The following YJU2 variants were observed in gnomAD, a reference collection of about 807,000 sequenced individuals.
YJU2 encodes the protein splicing factor YJU2.
In YJU2, 28 loss-of-function variants were observed where a neutral mutation model predicts 39.6. The ratio of observed to expected loss-of-function variants is 0.71; its 90% CI spans 0.52 to 0.97. YJU2 has a LOEUF of 0.97. YJU2 is among the 50% of genes least tolerant of loss of function. The pLI is 0.00. For synonymous variants in YJU2, 184 were observed against 182.4 expected, an observed-to-expected ratio of 1.01 and a Z score of -0.07; for missense variants, 328 against 430.4, an observed-to-expected ratio of 0.76 and a Z score of 2.11.
chr19:4,258,224 C>CCGCCCCG lies in YJU2; in HGVS notation c.406-12_406-6dup, dbSNP rs1161730811. On this transcript the variant is annotated splice_polypyrimidine_tract_variant and intron_variant, in intron 4 of 7. Coordinates refer to ENST00000262962, the MANE Select transcript of YJU2 (RefSeq NM_018074.6). ...TGCGATCCCCATGCACTCAGCCCCGCCGCCCCGCGCCCGCCAGGTGCTGGA... is the reference window on the plus strand; with the variant it reads ...TGCGATCCCCATGCACTCAGCCCCGCCGCCCCGCGCCCCGCGCCCGCCAGGTGCTGGA... 1.9e-6 allele frequency: 3 copies of CCGCCCCG among 1,549,926 alleles called. No individual in the cohort carries two copies. The highest frequency in any genetic ancestry group is 1.2e-5 in the South Asian group (1 of 83,924).
intron 6 of YJU2, among the ~76,000 whole-genome samples, chr19:4,263,676 G>A (rs1036200209): frequency 1.6e-4 from 24 of 152,000 alleles, no homozygotes; most frequent in South Asian, 4.1e-4. Context: ...TGGACATGGC[G>A]GTGCCTGCCT....
intron 4 of YJU2, among the ~76,000 whole-genome samples, chr19:4,257,403 C>T (rs575095050): frequency 5.3e-5 from 8 of 152,294 alleles, no homozygotes; most frequent in African/African-American, 1.9e-4. Context: ...AGTGATTCTC[C>T]TGCCTCAGCC....
At chr19:4,263,532 G>A (rs779129712) in intron 6 of YJU2, among the ~76,000 whole-genome samples, 5 of 152,132 alleles carry the variant, frequency 3.3e-5, no homozygotes, top group Non-Finnish European at 7.4e-5. Flanking sequence ...GGGAGGCCGG[G>A]CACCGTGGCT....
At chr19:4,247,479 C>T (rs8109160) in intron 1 of YJU2, 109,653 of 247,964 alleles carry the variant, frequency 0.44, 26,861 homozygotes, top group African/African-American at 0.76. Context: ...ATGCTGGCGG[C>T]CGTGTTTTGC....
intron 6 of YJU2, among the ~76,000 whole-genome samples, chr19:4,264,172 G>A (rs1479161814): frequency 1.5e-5 from 2 of 136,592 alleles, no homozygotes; most frequent in East Asian, 4.9e-4. Context: ...TGAGACAGGA[G>A]AATGGCGTGA....
chr19:4,261,712 C>A (rs1368957342), intron 5 of YJU2, among the ~76,000 whole-genome samples: 1 of 151,860 alleles, frequency 6.6e-6, no homozygotes. Context: ...GCCTGTGGAC[C>A]CAGCTACTCA....
chr19:4,262,102 C>T lies in YJU2; in HGVS notation c.696C>T (p.Ala232=). 1 of 1,610,302 alleles carries T rather than the reference C, an allele frequency of 6.2e-7. No homozygotes were observed. Among genetic ancestry groups the T allele is most frequent in the Non-Finnish European group, 8.5e-7 (1 of 1,179,746 alleles). Residue 232 remains alanine (A), a synonymous_variant, in exon 6 of 8, where the codon GCC becomes GCT. Coordinates refer to ENST00000262962, the MANE Select transcript of YJU2 (RefSeq NM_018074.6). The part of the protein sequence containing the change: ...LQPALRPNPT[A]ILDEAPKPKR... ...CAGCCCTTCGGCCCAACCCCACCGC[C>T]ATCCTGGATGAGGTAAGTGGGGTGC...
chr19:4,261,911 G>T, intron 5 of YJU2, 83 bp from the exon 6 acceptor site: 1 of 1,480,392 alleles, frequency 6.8e-7, no homozygotes, highest in Non-Finnish European at 9.2e-7. Flanking sequence ...CAGGCACCCA[G>T]GCCCCTCGCC....
At chr19:4,250,452 G>A (rs924655033) in intron 2 of YJU2, among the ~76,000 whole-genome samples, 10 of 152,148 alleles carry the variant, frequency 6.6e-5, no homozygotes, top group African/African-American at 2.4e-4. Flanking sequence ...AGGCAGGAGA[G>A]AGCCCCTGGG....
rs141859779 is a variant in YJU2, at chr19:4,250,387, C to T, written c.126-640C>T. Among the ~76,000 whole-genome samples, 165 of 152,204 alleles carry T rather than the reference C, an allele frequency of 1.1e-3. 2 individuals carry two copies. The highest frequency in any genetic ancestry group is 0.01 in the Middle Eastern group (3 of 294). Reference sequence around the variant, plus strand: ...TCCCTGGCCTCATGGAGCCCACAGTCTAATGGGAAGTGGAGAATAGTGGTA... The same window carrying T: ...TCCCTGGCCTCATGGAGCCCACAGTTTAATGGGAAGTGGAGAATAGTGGTA... On this transcript the variant is annotated intron_variant, in intron 2 of 7. Coordinates refer to ENST00000262962, the MANE Select transcript of YJU2 (RefSeq NM_018074.6).
intron 2 of YJU2, 121 bp downstream of exon 2, chr19:4,249,449 C>T (rs1465832962): frequency 3.1e-6 from 2 of 647,590 alleles, no homozygotes; most frequent in Admixed American, 5.6e-5. Flanking sequence ...ATTGTCCTGG[C>T]TCAGACATTG....
rs1971019933 is a variant in YJU2 at position 4,256,215 on chromosome 19, C to CACATAT, written c.405+1734_405+1739dup. On this transcript the variant is annotated intron_variant, in intron 4 of 7. Coordinates refer to ENST00000262962, the MANE Select transcript of YJU2 (RefSeq NM_018074.6). ...ATATATATATATATATATGTACACA[C>CACATAT]ACATATACATATATATACATACACA... is the stretch of plus-strand genomic sequence containing the variant. Among the ~76,000 whole-genome samples the CACATAT allele has an allele frequency of 3.4e-5, 5 of 147,958 alleles. No homozygotes were observed. The South Asian group carries it at 1.1e-3, about 31-fold the overall frequency.
rs1971076164 is a variant in YJU2, at chr19:4,262,114, G to A, written c.708G>A (p.Glu236=). 3 of 1,605,986 alleles carry A rather than the reference G, an allele frequency of 1.9e-6. No individual in the cohort carries two copies. The highest frequency in any genetic ancestry group is 2.5e-6 in the Non-Finnish European group (3 of 1,177,506). Residue 236 remains glutamate (E), a splice_region_variant and synonymous_variant, in exon 6 of 8, where the codon GAG becomes GAA. Coordinates refer to ENST00000262962, the MANE Select transcript of YJU2 (RefSeq NM_018074.6). Reference sequence around the variant, plus strand: ...CCAACCCCACCGCCATCCTGGATGAGGTAAGTGGGGTGCCTGAGTCCTGGG... The same window carrying A: ...CCAACCCCACCGCCATCCTGGATGAAGTAAGTGGGGTGCCTGAGTCCTGGG... ...LRPNPTAILD[E]APKPKRKVEV...
intron 6 of YJU2, 60 bp from the exon 7 acceptor site, chr19:4,267,564 G>A: frequency 1.3e-6 from 2 of 1,568,740 alleles, no homozygotes; most frequent in Non-Finnish European, 1.7e-6. Flanking sequence ...GTTGTGGCGA[G>A]GGGCCAGACT....
In YJU2 at chr19:4,251,008, C is replaced by T. The variant is rs1440917356; in HGVS notation, c.126-19C>T. 3.1e-6 allele frequency: 5 copies of T among 1,613,156 alleles called. No individual in the cohort carries two copies. Among genetic ancestry groups the T allele is most frequent in the Non-Finnish European group, 3.4e-6 (4 of 1,179,404 alleles). On this transcript the variant is annotated intron_variant, in intron 2 of 7. Transcript: ENST00000262962. ...CCAGCGTCCCAAGACAGCTCACATC[C>T]CTACATGCTGCCCCGCAGGTGTAAG...
chr19:4,252,959 C>T (rs1307650541), intron 3 of YJU2, among the ~76,000 whole-genome samples: 2 of 151,632 alleles, frequency 1.3e-5, no homozygotes, highest in East Asian at 1.9e-4. Flanking sequence ...TTTGAAATAC[C>T]TGAAGATTTA....
At chr19:4,258,841 C>T (rs1742253391) in intron 5 of YJU2, among the ~76,000 whole-genome samples, 2 of 152,132 alleles carry the variant, frequency 1.3e-5, no homozygotes, top group South Asian at 2.1e-4. Flanking sequence ...TCCTATGGGG[C>T]CTGGTCCCAC....
chr19:4,252,694 G>GGAGA (rs1464748947), intron 3 of YJU2, among the ~76,000 whole-genome samples: 1 of 152,086 alleles, frequency 6.6e-6, no homozygotes, highest in African/African-American at 2.4e-5. Context: ...AGAGGTCAAG[G>GGAGA]GAGAAGGATC....
Position 4,249,220 on chromosome 19 carries a change from C to T in YJU2, c.25-8C>T. 6.3e-7 allele frequency: 1 copy of T among 1,597,844 alleles called. No homozygotes were observed. Among genetic ancestry groups the T allele is most frequent in the Non-Finnish European group, 8.6e-7 (1 of 1,166,138 alleles). ...TAACTCCCCCAACGTTTCCTTCCTC[C>T]CCTGCAGAAATACTACCCGCCGGAC... On this transcript the variant is annotated splice_region_variant and splice_polypyrimidine_tract_variant and intron_variant, in intron 1 of 7. Coordinates refer to ENST00000262962, the MANE Select transcript of YJU2 (RefSeq NM_018074.6).
Sources: gnomAD v4.1 joint callset for allele counts (sites outside exome capture counted in the v4.1 genomes callset) on GRCh38, gnomAD v4.1.1 for gene constraint, MANE v1.5 for transcripts, NCBI Gene and HGNC (gene_info 2026-07-23, HGNC 2026-07-21) for gene names.